The following TCOF1 variants were observed in gnomAD, a reference collection of about 807,000 sequenced individuals.
The protein encoded by TCOF1 is treacle ribosome biogenesis factor 1.
TCOF1 carries 33 observed loss-of-function variants against 149.0 expected under a neutral mutation model. The ratio of observed to expected loss-of-function variants is 0.22; its 90% CI spans 0.17 to 0.30. The LOEUF (loss-of-function observed/expected upper bound fraction) is 0.30, where lower values mean the gene tolerates loss of function less well. Ranked by LOEUF, TCOF1 falls within the 10% of genes least tolerant of loss-of-function variation. TCOF1 has a pLI of 1.00. For synonymous variants in TCOF1, 789 were observed against 738.8 expected, an observed-to-expected ratio of 1.07 and a Z score of -1.10; for missense variants, 1,728 against 1,840.7, an observed-to-expected ratio of 0.94 and a Z score of 1.12.
At chr5:150,378,739 C>A in intron 14 of TCOF1, 166 bp from the exon 15 acceptor site, 1 of 893,810 alleles carries the variant, frequency 1.1e-6, no homozygotes, top group Non-Finnish European at 1.8e-6. Context: ...TGATAGAGGA[C>A]TGAACTGAGG....
chr5:150,378,748 G>C, intron 14 of TCOF1, 157 bp from the exon 15 acceptor site: 2 of 990,288 alleles, frequency 2.0e-6, no homozygotes, highest in Non-Finnish European at 3.1e-6. Context: ...ACTGAACTGA[G>C]GCCCAGTGAG....
At chr5:150,386,142 AC>A (rs1375045248) in intron 17 of TCOF1, among the ~76,000 whole-genome samples, 1 of 151,616 alleles carries the variant, frequency 6.6e-6, no homozygotes, top group Non-Finnish European at 1.5e-5. Context: ...CCCCGCCCCA[AC>A]CCCCCACAGC....
chr5:150,361,228 A>G lies in TCOF1; in HGVS notation c.164+17A>G, dbSNP rs370398714. On this transcript the variant is annotated intron_variant, in intron 2 of 26. Coordinates refer to ENST00000643257, the MANE Select transcript of TCOF1 (RefSeq NM_001371623.1). ...CTGGCAACAGTAAGTGGTGGGGCCT[A>G]TAGGGTGGAGTAGGGACGGACACCC... The G allele has an allele frequency of 3.1e-6, 5 of 1,614,094 alleles. No individual in the cohort carries two copies. The highest frequency in any genetic ancestry group is 1.3e-5 in the African/African-American group (1 of 75,042).
intron 17 of TCOF1, among the ~76,000 whole-genome samples, chr5:150,382,362 G>GT (rs146784315): frequency 0.16 from 23,781 of 152,244 alleles, 2,478 homozygotes; most frequent in Non-Finnish European, 0.23. Context: ...GGGCATGGCT[G>GT]TTAGGAGGCA....
intron 1 of TCOF1, among the ~76,000 whole-genome samples, chr5:150,360,549 A>G (rs1759816585): frequency 6.6e-6 from 1 of 152,198 alleles, no homozygotes; most frequent in Non-Finnish European, 1.5e-5. Flanking sequence ...GCCTCTAGGC[A>G]TGGATAGTGC....
rs755790222 is a variant in TCOF1, at chr5:150,398,364, CAAAGAAAAA to C, written c.4365_4373del (p.Glu1457_Lys1459del). ...CTTTACTTCCCTTAGGAAAAAAAGACAAAGAAAAAAAAGAAAAGAAGAAGAAAGCAAAAA... is the reference window on the plus strand; with the variant it reads ...CTTTACTTCCCTTAGGAAAAAAAGACAAAGAAAAGAAGAAGAAAGCAAAAA... On this transcript the variant is annotated inframe_deletion, in exon 25 of 27. Transcript: ENST00000643257. 11 of 1,610,672 alleles carry C rather than the reference CAAAGAAAAA, an allele frequency of 6.8e-6. No individual in the cohort carries two copies. In the East Asian group the frequency reaches 1.8e-4, roughly 26 times the overall value.
intron 15 of TCOF1, 74 bp from the exon 16 acceptor site, chr5:150,379,155 T>G: frequency 6.2e-7 from 1 of 1,613,510 alleles, no homozygotes; most frequent in Non-Finnish European, 8.5e-7. Flanking sequence ...CCACCCAGAG[T>G]TGTGCCATAG....
chr5:150,379,361 A>G lies in TCOF1; in HGVS notation c.2611A>G (p.Ser871Gly), dbSNP rs1345350922. 7 of 1,614,000 alleles carry G rather than the reference A, an allele frequency of 4.3e-6. No individual in the cohort carries two copies. The African/African-American group carries it at 9.3e-5, about 22-fold the overall frequency. The change falls in exon 16 of 27, where the codon AGT becomes GGT. Residue 871 changes from serine (S) to glycine (G), a missense_variant. Ser to Gly is a moderately conservative substitution (Grantham distance 56, BLOSUM62 0). This residue lies in a region of TCOF1 where 1,696 missense variants were observed against 1,765.4 expected (regional missense o/e 0.96). Transcript: ENST00000643257. ...AGGGCCAGAGGAGGACTCAGGGAGC[A>G]GTGAGGAGGAGTCAGACAGTGAGGA... is the stretch of plus-strand genomic sequence containing the variant. ...QTGPEEDSGSSEEESDSEEEA... is the reference protein window; with the variant it reads ...QTGPEEDSGSGEEESDSEEEA...
At chr5:150,359,176 GTC>G (rs1211707533) in intron 1 of TCOF1, among the ~76,000 whole-genome samples, 1 of 152,092 alleles carries the variant, frequency 6.6e-6, no homozygotes, top group African/African-American at 2.4e-5. Context: ...GTGAAACCCT[GTC>G]TCTACTAAAA....
At chr5:150,393,630 C>T in intron 23 of TCOF1, 78 bp downstream of exon 23, 1 of 1,574,686 alleles carries the variant, frequency 6.4e-7, no homozygotes, top group African/African-American at 1.3e-5. Context: ...CCTCCTGTAG[C>T]AACAGTCCTC....
At chr5:150,364,696 G>C (rs1369446129) in intron 3 of TCOF1, among the ~76,000 whole-genome samples, 2 of 152,164 alleles carry the variant, frequency 1.3e-5, no homozygotes. Flanking sequence ...CTGGAACGCT[G>C]TACTGGGCAC....
Position 150,379,283 on chromosome 5 carries a change from G to A in TCOF1, c.2533G>A (p.Ala845Thr). ...QNSTVLARGP[A>T]SVPSVGKAVA... ...CAGTACCGTCTTGGCGAGGGGCCCAGCATCTGTGCCATCTGTGGGGAAGGC... is the reference window on the plus strand; with the variant it reads ...CAGTACCGTCTTGGCGAGGGGCCCAACATCTGTGCCATCTGTGGGGAAGGC... Residue 845 changes from alanine (A) to threonine (T), a missense_variant, in exon 16 of 27, where the codon GCA becomes ACA. Ala to Thr is a moderately conservative substitution (Grantham distance 58). Transcript: ENST00000643257. 6.2e-7 allele frequency: 1 copy of A among 1,614,202 alleles called. No individual in the cohort carries two copies. Among genetic ancestry groups the A allele is most frequent in the Non-Finnish European group, 8.5e-7 (1 of 1,180,028 alleles).
chr5:150,361,098 A>G (rs1759964722), intron 1 of TCOF1, 58 bp from the exon 2 acceptor site: 1 of 1,611,512 alleles, frequency 6.2e-7, no homozygotes, highest in Non-Finnish European at 8.5e-7. Context: ...ATCTGGGCCC[A>G]AGAAGGATCC....
chr5:150,369,568 ACACCTCCAG>A lies in TCOF1; in HGVS notation c.607_615del (p.Thr203_Ser205del), dbSNP rs1358572940. 2 of 1,614,114 alleles carry A rather than the reference ACACCTCCAG, an allele frequency of 1.2e-6. No homozygotes were observed. The highest frequency in any genetic ancestry group is 1.7e-6 in the Non-Finnish European group (2 of 1,180,006). On this transcript the variant is annotated inframe_deletion, in exon 6 of 27. Transcript: ENST00000643257. ...GGCCAGGCCGACAGCTCCAGCGAGG[ACACCTCCAG>A]CTCCAGTGATGAGACAGACGTGGAG...
chr5:150,388,595 A>T (rs1766753832), intron 18 of TCOF1, among the ~76,000 whole-genome samples: 1 of 152,230 alleles, frequency 6.6e-6, no homozygotes, highest in African/African-American at 2.4e-5. Flanking sequence ...TTACTATTAC[A>T]GTTATTGTAA....
intron 17 of TCOF1, chr5:150,384,706 G>A (rs1765927892): frequency 1.0e-6 from 1 of 985,386 alleles, no homozygotes; most frequent in Non-Finnish European, 1.2e-6. Flanking sequence ...GAAGTCAGCG[G>A]TTTGTACATT....
chr5:150,360,599 T>G (rs1759825102), intron 1 of TCOF1, among the ~76,000 whole-genome samples: 1 of 152,226 alleles, frequency 6.6e-6, no homozygotes, highest in Admixed American at 6.5e-5. Flanking sequence ...GCTTGGAACA[T>G]TCCACCTCTG....
intron 17 of TCOF1, among the ~76,000 whole-genome samples, chr5:150,385,985 G>A (rs546164083): frequency 5.9e-5 from 9 of 152,282 alleles, no homozygotes; most frequent in African/African-American, 1.2e-4. Flanking sequence ...ACTACTAGCC[G>A]TTTCATTAAA....
rs1204091560 is a variant in TCOF1, at chr5:150,366,639, CTTTTTTTTTTTT to C, written c.305-1190_305-1179del. ...TGCCATTCATCTCAGCAACATTCTT[CTTTTTTTTTTTT>C]TTTTTTTTTTTTTTGAGACGGAGTC... On this transcript the variant is annotated intron_variant, in intron 3 of 26. Coordinates refer to ENST00000643257, the MANE Select transcript of TCOF1 (RefSeq NM_001371623.1). Among the ~76,000 whole-genome samples, 13 of 64,362 alleles carry C rather than the reference CTTTTTTTTTTTT, an allele frequency of 2.0e-4. 3 individuals are homozygous for C. The highest frequency in any genetic ancestry group is 1.5e-3 in the South Asian group (3 of 1,978). The allele number at this position is 64,362 out of a possible 152,430, so 42.2% of individuals were successfully genotyped here.
Sources: gnomAD v4.1 joint callset for allele counts (sites outside exome capture counted in the v4.1 genomes callset) on GRCh38, gnomAD v4.1.1 for gene constraint, gnomAD v4.1.1 regional missense constraint, MANE v1.5 for transcripts, NCBI Gene and HGNC (gene_info 2026-07-23, HGNC 2026-07-21) for gene names.